Variants in GPC6 observed in about 807,000 individuals in gnomAD.
The protein encoded by GPC6 is glypican-6.
Under a neutral mutation model 55.2 loss-of-function variants are expected in GPC6, and 14 were observed. The observed-to-expected ratio is 0.25, with a 90% CI of 0.17 to 0.40. The LOEUF is 0.40. Among genes scored for constraint, GPC6 ranks in the 10% least tolerant of loss-of-function variants. GPC6 has a pLI of 1.00. For synonymous variants in GPC6, 278 were observed against 259.6 expected (o/e 1.07, Z -0.68); for missense variants, 641 against 708.5 (o/e 0.90, Z 1.08).
At chr13:93,745,840 G>A (rs942679440) in intron 2 of GPC6, among the ~76,000 whole-genome samples, 8 of 152,108 alleles carry the variant, frequency 5.3e-5, no homozygotes, top group Non-Finnish European at 1.0e-4. Context: ...TTTTTGAGAC[G>A]AAACTCAAAA....
chr13:94,007,687 A>G (rs1026970181), intron 3 of GPC6, among the ~76,000 whole-genome samples: 2 of 152,190 alleles, frequency 1.3e-5, no homozygotes, highest in East Asian at 1.9e-4. Flanking sequence ...TTAAACCATT[A>G]TGACCCATCA....
At chr13:94,251,318 C>A (rs7997752) in intron 4 of GPC6, among the ~76,000 whole-genome samples, 6 of 150,332 alleles carry the variant, frequency 4.0e-5, no homozygotes, top group East Asian at 4.0e-4. Flanking sequence ...GGGGGCAAAG[C>A]GGGGGAGAGC....
intron 1 of GPC6, among the ~76,000 whole-genome samples, chr13:93,380,441 C>T (rs527663847): frequency 6.6e-6 from 1 of 152,300 alleles, no homozygotes; most frequent in South Asian, 2.1e-4. Flanking sequence ...TTCTAGAATA[C>T]ATCCCAGGGT....
At chr13:93,319,302 A>G (rs1156519544) in intron 1 of GPC6, among the ~76,000 whole-genome samples, 1 of 152,146 alleles carries the variant, frequency 6.6e-6, no homozygotes, top group East Asian at 1.9e-4. Context: ...AGAATCACCA[A>G]GTGTTTGGAG....
intron 4 of GPC6, among the ~76,000 whole-genome samples, chr13:94,272,309 G>A (rs541867001): frequency 5.3e-5 from 8 of 152,096 alleles, no homozygotes; most frequent in South Asian, 4.1e-4. Flanking sequence ...TCTCTGGGGC[G>A]ATTTGGTTTA....
intron 1 of GPC6, among the ~76,000 whole-genome samples, chr13:93,262,187 A>G (rs1877174265): frequency 6.6e-6 from 1 of 152,146 alleles, no homozygotes; most frequent in African/African-American, 2.4e-5. Flanking sequence ...TCAAGCCAAA[A>G]GTAACTTTTA....
chr13:94,087,145 G>A (rs1208112968), intron 4 of GPC6, among the ~76,000 whole-genome samples: 1 of 152,182 alleles, frequency 6.6e-6, no homozygotes, highest in African/African-American at 2.4e-5. Context: ...GATTTAAATG[G>A]GATATTTGAT....
At position 93,508,947 on chromosome 13, in the gene GPC6, G is replaced by T. The variant is rs192658339; in HGVS notation, c.161-36316G>T. On this transcript the variant is annotated intron_variant, in intron 1 of 8. Coordinates refer to ENST00000377047, the MANE Select transcript of GPC6 (RefSeq NM_005708.5). ...GGCTTCATCTTGCTAATGGTTGGAA[G>T]CCCCTGAAGACCTGTAAGCAGGGGA... Among the ~76,000 whole-genome samples, 22 of 152,276 alleles carry T rather than the reference G, an allele frequency of 1.4e-4. No individual in the cohort carries two copies. The East Asian group carries it at 4.1e-3, about 28-fold the overall frequency.
At chr13:94,028,868 T>G (rs1883006251) in intron 4 of GPC6, among the ~76,000 whole-genome samples, 1 of 152,160 alleles carries the variant, frequency 6.6e-6, no homozygotes, top group Admixed American at 6.5e-5. Flanking sequence ...ATAGGCAGGC[T>G]TCTCCCAGGA....
chr13:93,315,365 T>A (rs1879211734), intron 1 of GPC6, among the ~76,000 whole-genome samples: 1 of 151,960 alleles, frequency 6.6e-6, no homozygotes, highest in South Asian at 2.1e-4. Context: ...AGGGAAACAA[T>A]GAAATATATT....
chr13:94,063,483 T>A (rs1309617115), intron 4 of GPC6, among the ~76,000 whole-genome samples: 2 of 152,214 alleles, frequency 1.3e-5, no homozygotes, highest in African/African-American at 4.8e-5. Flanking sequence ...TAAATCTGAT[T>A]ATGAAACATT....
intron 4 of GPC6, among the ~76,000 whole-genome samples, chr13:94,091,682 T>A (rs1401603322): frequency 6.6e-6 from 1 of 152,114 alleles, no homozygotes; most frequent in East Asian, 1.9e-4. Context: ...GGTGGTTATT[T>A]AAATCTAATC....
At chr13:93,895,467 A>G (rs1026925924) in intron 3 of GPC6, among the ~76,000 whole-genome samples, 4 of 151,690 alleles carry the variant, frequency 2.6e-5, no homozygotes, top group African/African-American at 9.7e-5. Context: ...TCTTTAAATT[A>G]AATGGAAGCC....
At chr13:94,103,694 G>A (rs1020240245) in intron 4 of GPC6, among the ~76,000 whole-genome samples, 6 of 152,174 alleles carry the variant, frequency 3.9e-5, no homozygotes, top group Admixed American at 6.5e-5. Context: ...CTTTTGAGAA[G>A]TGTCTGTTCA....
chr13:94,262,079 G>A (rs1594108034), intron 4 of GPC6, among the ~76,000 whole-genome samples: 2 of 152,168 alleles, frequency 1.3e-5, no homozygotes, highest in East Asian at 1.9e-4. Flanking sequence ...AGTCTTGGGA[G>A]GCATTTTAAT....
At chr13:93,733,408 CAG>C (rs1883894837) in intron 2 of GPC6, among the ~76,000 whole-genome samples, 1 of 151,728 alleles carries the variant, frequency 6.6e-6, no homozygotes, top group Admixed American at 6.6e-5. Flanking sequence ...TAAAGAAAAA[CAG>C]AATTACTATT....
At chr13:93,572,881 A>G (rs996132086) in intron 2 of GPC6, among the ~76,000 whole-genome samples, 1 of 152,172 alleles carries the variant, frequency 6.6e-6, no homozygotes. Context: ...TGACTATAGA[A>G]GAAGAACTAA....
chr13:94,053,284 A>G (rs1884017284), intron 4 of GPC6, among the ~76,000 whole-genome samples: 1 of 152,018 alleles, frequency 6.6e-6, no homozygotes, highest in Admixed American at 6.6e-5. Flanking sequence ...GGTCACTGGC[A>G]TTTTTTCAAA....
chr13:93,523,162 TACATATATACACATACATATAC>T (rs1881493699), intron 1 of GPC6, among the ~76,000 whole-genome samples: 1 of 148,664 alleles, frequency 6.7e-6, no homozygotes, highest in Non-Finnish European at 1.5e-5. Context: ...TCCATATATG[TACATATATACACATACATATAC>T]ACATATATGG....
Sources: gnomAD v4.1 joint callset for allele counts (sites outside exome capture counted in the v4.1 genomes callset) on GRCh38, gnomAD v4.1.1 for gene constraint, MANE v1.5 for transcripts, NCBI Gene and HGNC (gene_info 2026-07-23, HGNC 2026-07-21) for gene names.